Variants in OCA2 observed in about 807,000 individuals in gnomAD.
OCA2 encodes the protein P protein.
OCA2 carries 77 observed loss-of-function variants against 100.2 expected under a neutral mutation model. The ratio of observed to expected loss-of-function variants is 0.77; its 90% CI spans 0.64 to 0.93. The LOEUF (loss-of-function observed/expected upper bound fraction) is 0.93, where lower values mean the gene tolerates loss of function less well. OCA2 is among the 40% of genes least tolerant of loss of function. OCA2 has a pLI of 0.00. For missense variants in OCA2, 1,062 were observed against 1,089.1 expected (o/e 0.98, Z 0.35); for synonymous variants, 432 against 439.2 (o/e 0.98, Z 0.21).
chr15:27,972,202 A>G (rs1351899414), intron 14 of OCA2, among the ~76,000 whole-genome samples: 3 of 152,186 alleles, frequency 2.0e-5, no homozygotes, highest in African/African-American at 7.2e-5. Context: ...GGGTGTATAT[A>G]CACGCATATC....
rs181276155 is a variant in OCA2 at position 28,039,015 on chromosome 15, G to C, written c.228-6852C>G. Among the ~76,000 whole-genome samples, 8 of 152,306 alleles carry C rather than the reference G, an allele frequency of 5.3e-5. No individual in the cohort carries two copies. In the East Asian group the frequency reaches 1.2e-3, roughly 22 times the overall value. On this transcript the variant is annotated intron_variant, in intron 2 of 23. Transcript: ENST00000354638. Reference sequence around the variant, plus strand: ...TTCAATGCTAGTAGTAACCAAAAGAGAGTTAAGACGAAATAGACTTTAAGA... The same window carrying C: ...TTCAATGCTAGTAGTAACCAAAAGACAGTTAAGACGAAATAGACTTTAAGA...
At position 28,039,548 on chromosome 15, in the gene OCA2, A is replaced by G. The variant is rs369056966; in HGVS notation, c.228-7385T>C. Among the ~76,000 whole-genome samples, 95 of 152,354 alleles carry G rather than the reference A, an allele frequency of 6.2e-4. 5 individuals carry two copies. The highest frequency in any genetic ancestry group is 3.9e-3 in the South Asian group (19 of 4,828). The stretch of plus-strand genomic sequence containing the variant: ...TAAACAACATACTCTTAACCAATCC[A>G]TCAAAGGAGGAATTAGAAAACACCT... On this transcript the variant is annotated intron_variant, in intron 2 of 23. Coordinates refer to ENST00000354638, the MANE Select transcript of OCA2 (RefSeq NM_000275.3).
intron 6 of OCA2, among the ~76,000 whole-genome samples, chr15:28,020,978 A>G (rs1360742378): frequency 6.6e-6 from 1 of 152,232 alleles, no homozygotes; most frequent in Non-Finnish European, 1.5e-5. Flanking sequence ...GAAGGACTAC[A>G]AAAACCAAGA....
chr15:28,095,811 T>C (rs1175787837), intron 1 of OCA2, among the ~76,000 whole-genome samples: 1 of 150,938 alleles, frequency 6.6e-6, no homozygotes, highest in Non-Finnish European at 1.5e-5. Flanking sequence ...GGCGCTGAGG[T>C]GAAAATTTGG....
chr15:27,738,132 G>A, the OCA2 span, among the ~76,000 whole-genome samples: 2 of 151,964 alleles, frequency 1.3e-5, no homozygotes, highest in Non-Finnish European at 2.9e-5. Flanking sequence ...CTCACTCTAG[G>A]GCAGAGAAAT....
At chr15:28,077,209 G>A (rs2044460757) in intron 2 of OCA2, among the ~76,000 whole-genome samples, 1 of 151,976 alleles carries the variant, frequency 6.6e-6, no homozygotes, top group Non-Finnish European at 1.5e-5. Context: ...ATAGGCATGT[G>A]CCACCAGGCC....
intron 7 of OCA2, among the ~76,000 whole-genome samples, chr15:28,017,139 C>G (rs2042422886): frequency 6.6e-6 from 1 of 152,154 alleles, no homozygotes; most frequent in Non-Finnish European, 1.5e-5. Context: ...AAAATAGGAT[C>G]TCTGAAACCG....
intron 19 of OCA2, among the ~76,000 whole-genome samples, chr15:27,920,163 G>C (rs969718479): frequency 6.6e-6 from 1 of 152,074 alleles, no homozygotes; most frequent in African/African-American, 2.4e-5. Context: ...GCAGATATGG[G>C]CTAAATAGAT....
intron 23 of OCA2, among the ~76,000 whole-genome samples, chr15:27,772,952 T>G (rs979586507): frequency 1.3e-5 from 2 of 152,204 alleles, no homozygotes; most frequent in Admixed American, 1.3e-4. Flanking sequence ...GAAGTTTCTA[T>G]TAATTTCCCC....
intron 14 of OCA2, among the ~76,000 whole-genome samples, chr15:27,971,181 T>G (rs2040776036): frequency 6.6e-6 from 1 of 151,996 alleles, no homozygotes; most frequent in Non-Finnish European, 1.5e-5. Context: ...CATGGCATGG[T>G]GGGAAAACGG....
chr15:28,094,878 G>A (rs896720179), intron 1 of OCA2, among the ~76,000 whole-genome samples: 18 of 152,242 alleles, frequency 1.2e-4, no homozygotes, highest in African/African-American at 3.4e-4. Flanking sequence ...GTGGGGCGAC[G>A]GCACCGGTGC....
At chr15:27,914,142 A>G (rs1260979738) in intron 19 of OCA2, among the ~76,000 whole-genome samples, 1 of 152,082 alleles carries the variant, frequency 6.6e-6, no homozygotes. Flanking sequence ...AAACCACATG[A>G]TCATCGCCAT....
the OCA2 span, among the ~76,000 whole-genome samples, chr15:27,746,948 C>T: frequency 2.0e-5 from 3 of 152,322 alleles, no homozygotes; most frequent in East Asian, 5.8e-4. Flanking sequence ...TAACAAGAAC[C>T]CTGGCTCAAG....
chr15:27,986,375 T>C (rs1367712913), intron 12 of OCA2, among the ~76,000 whole-genome samples: 1 of 151,346 alleles, frequency 6.6e-6, no homozygotes, highest in East Asian at 1.9e-4. Context: ...TTGACCTCCT[T>C]CTTCATTTAT....
intron 22 of OCA2, among the ~76,000 whole-genome samples, chr15:27,849,989 G>C (rs574245671): frequency 6.6e-6 from 1 of 152,224 alleles, no homozygotes; most frequent in South Asian, 2.1e-4. Context: ...TCCCAAGACT[G>C]AAAACATTCA....
At chr15:28,048,114 T>C (rs1054563436) in intron 2 of OCA2, among the ~76,000 whole-genome samples, 5 of 152,110 alleles carry the variant, frequency 3.3e-5, no homozygotes, top group Admixed American at 2.0e-4. Flanking sequence ...TGAAAGAAAT[T>C]AAAGAAGACC....
intron 2 of OCA2, among the ~76,000 whole-genome samples, chr15:28,078,530 T>A (rs2044508723): frequency 6.6e-6 from 1 of 152,198 alleles, no homozygotes; most frequent in African/African-American, 2.4e-5. Context: ...TGAGATGGCC[T>A]CCAGTCAACA....
Position 27,755,210 on chromosome 15 carries a change from G to C in OCA2, c.*178C>G, listed in dbSNP as rs1454752120. ...AAGGACACACAGAGGAGGTCATGGT[G>C]TTCCAACATTCGCTTGAATTAGAGT... On this transcript the variant is annotated 3_prime_UTR_variant, in exon 24 of 24. Transcript: ENST00000354638. The C allele has an allele frequency of 1.6e-6, 1 of 626,030 alleles. No individual in the cohort carries two copies. 38.8% of individuals were successfully genotyped at this position (626,030 alleles called of 1,614,324 possible). A position where few individuals can be genotyped will look rare whatever the true frequency, so the allele number is the denominator to read the frequency against.
chr15:27,905,566 G>A (rs2038145134), intron 19 of OCA2, among the ~76,000 whole-genome samples: 1 of 152,192 alleles, frequency 6.6e-6, no homozygotes, highest in Non-Finnish European at 1.5e-5. Flanking sequence ...CCCATCTGGG[G>A]GCATGCAGCC....
Sources: gnomAD v4.1 joint callset for allele counts (sites outside exome capture counted in the v4.1 genomes callset) on GRCh38, gnomAD v4.1.1 for gene constraint, MANE v1.5 for transcripts, NCBI Gene and HGNC (gene_info 2026-07-23, HGNC 2026-07-21) for gene names.